The following SGCZ variants were observed in gnomAD, a reference collection of about 807,000 sequenced individuals.
SGCZ encodes sarcoglycan zeta, also known as zeta-sarcoglycan.
Under a neutral mutation model 41.3 loss-of-function variants are expected in SGCZ, and 40 were observed. The ratio of observed to expected loss-of-function variants is 0.97; its 90% CI spans 0.75 to 1.26. The LOEUF (loss-of-function observed/expected upper bound fraction) is 1.26, where lower values mean the gene tolerates loss of function less well. Ranked by LOEUF, SGCZ falls within the 50% of genes most tolerant of loss-of-function variation. The pLI is 0.00. For missense variants in SGCZ, 552 were observed against 369.8 expected, an observed-to-expected ratio of 1.49 and a Z score of -4.04; for synonymous variants, 206 against 137.5, an observed-to-expected ratio of 1.50 and a Z score of -3.49.
At chr8:14,256,690 A>T (rs1799477299) in intron 3 of SGCZ, among the ~76,000 whole-genome samples, 1 of 152,168 alleles carries the variant, frequency 6.6e-6, no homozygotes, top group Non-Finnish European at 1.5e-5. Context: ...TCCAATGAGC[A>T]TCTCTAAGTT....
intron 1 of SGCZ, among the ~76,000 whole-genome samples, chr8:14,847,644 A>T (rs1803178371): frequency 7.5e-6 from 1 of 133,144 alleles, no homozygotes; most frequent in Non-Finnish European, 1.6e-5. Flanking sequence ...GGAAGGAAGG[A>T]GGGAGGGAGG....
intron 2 of SGCZ, among the ~76,000 whole-genome samples, chr8:14,537,363 G>C (rs1803327931): frequency 6.6e-6 from 1 of 151,734 alleles, no homozygotes; most frequent in Non-Finnish European, 1.5e-5. Context: ...CTCAGTTTTG[G>C]GGCAACCTAT....
chr8:15,185,948 G>A (rs574683177), intron 1 of SGCZ, among the ~76,000 whole-genome samples: 22 of 149,812 alleles, frequency 1.5e-4, no homozygotes, highest in African/African-American at 5.2e-4. Flanking sequence ...CTCTCGGCTG[G>A]GCGCGGTGGC....
chr8:14,514,811 G>GTA (rs1563378962), intron 2 of SGCZ, among the ~76,000 whole-genome samples: 1 of 73,664 alleles, frequency 1.4e-5, no homozygotes, highest in African/African-American at 7.2e-5. Context: ...GTGTGTGTGT[G>GTA]TGTATATATA....
At chr8:14,274,507 A>C (rs2117271419) in intron 3 of SGCZ, among the ~76,000 whole-genome samples, 1 of 152,212 alleles carries the variant, frequency 6.6e-6, no homozygotes, top group Non-Finnish European at 1.5e-5. Context: ...AAGAATGAAA[A>C]CCTCTGTGTG....
At chr8:15,232,708 TA>T (rs1185605960) in intron 1 of SGCZ, among the ~76,000 whole-genome samples, 1 of 146,088 alleles carries the variant, frequency 6.8e-6, no homozygotes, top group African/African-American at 2.5e-5. Context: ...TATATATACA[TA>T]TATATGTGTG....
intron 1 of SGCZ, among the ~76,000 whole-genome samples, chr8:14,618,249 C>T (rs1455616926): frequency 6.6e-6 from 1 of 152,042 alleles, no homozygotes; most frequent in Non-Finnish European, 1.5e-5. Flanking sequence ...GTATGTTATA[C>T]AAGGTCTTTG....
At chr8:15,170,754 G>A (rs1799803790) in intron 1 of SGCZ, among the ~76,000 whole-genome samples, 2 of 152,102 alleles carry the variant, frequency 1.3e-5, no homozygotes, top group Admixed American at 1.3e-4. Flanking sequence ...AGTCTTACAA[G>A]GGATCCATAT....
chr8:14,102,076 T>TTATATATATATATATATATA (rs55667194), intron 7 of SGCZ, among the ~76,000 whole-genome samples: 8 of 119,916 alleles, frequency 6.7e-5, no homozygotes, highest in African/African-American at 2.4e-4. Context: ...TTGGCTAACT[T>TTATATATATATATATATATA]TATATATATA....
chr8:14,901,060 T>A (rs181835932), intron 1 of SGCZ, among the ~76,000 whole-genome samples: 71 of 152,302 alleles, frequency 4.7e-4, no homozygotes, highest in Admixed American at 7.2e-4. Context: ...TTGGAAAGAA[T>A]GCTTACTCAA....
intron 1 of SGCZ, among the ~76,000 whole-genome samples, chr8:14,678,130 G>T (rs1808333112): frequency 6.6e-6 from 1 of 152,062 alleles, no homozygotes; most frequent in African/African-American, 2.4e-5. Context: ...CTTTTGTTTG[G>T]CAATGTTGAC....
intron 1 of SGCZ, among the ~76,000 whole-genome samples, chr8:14,750,529 A>C (rs768437950): frequency 2.0e-5 from 3 of 152,128 alleles, no homozygotes; most frequent in Non-Finnish European, 4.4e-5. Context: ...TTATCATGGA[A>C]GATATCAGGC....
chr8:14,348,798 A>T (rs1802983448), intron 2 of SGCZ, among the ~76,000 whole-genome samples: 1 of 152,168 alleles, frequency 6.6e-6, no homozygotes, highest in Non-Finnish European at 1.5e-5. Context: ...CAAAAGGTTA[A>T]AGTACTGCTT....
intron 1 of SGCZ, among the ~76,000 whole-genome samples, chr8:14,804,432 G>A (rs1362910066): frequency 2.2e-5 from 3 of 138,794 alleles, no homozygotes; most frequent in South Asian, 2.6e-4. Flanking sequence ...CGTGAAGAAC[G>A]CAGAAGCCTC....
At chr8:14,940,442 C>A (rs1275555403) in intron 1 of SGCZ, among the ~76,000 whole-genome samples, 1 of 152,060 alleles carries the variant, frequency 6.6e-6, no homozygotes, top group East Asian at 1.9e-4. Flanking sequence ...ATTATATCAA[C>A]ATGCAGCAAA....
At chr8:14,428,133 C>CACATAT (rs1554517043) in intron 2 of SGCZ, among the ~76,000 whole-genome samples, 1 of 12,530 alleles carries the variant, frequency 8.0e-5, no homozygotes, top group East Asian at 1.8e-3. Flanking sequence ...CACACACACA[C>CACATAT]ATATATATAT....
chr8:14,274,104 T>C (rs1489293944), intron 3 of SGCZ, among the ~76,000 whole-genome samples: 1 of 152,180 alleles, frequency 6.6e-6, no homozygotes, highest in African/African-American at 2.4e-5. Flanking sequence ...TCACTTGTTT[T>C]CTTGAAGTTT....
At chr8:14,499,923 C>G (rs1041677678) in intron 2 of SGCZ, among the ~76,000 whole-genome samples, 3 of 151,876 alleles carry the variant, frequency 2.0e-5, no homozygotes, top group Non-Finnish European at 2.9e-5. Flanking sequence ...TTTCTAGATC[C>G]TCAAATTCTA....
At chr8:14,824,796 G>C (rs954368249) in intron 1 of SGCZ, among the ~76,000 whole-genome samples, 1 of 151,952 alleles carries the variant, frequency 6.6e-6, no homozygotes. Flanking sequence ...AATTTTCAGC[G>C]ATGTAGTATA....
Sources: gnomAD v4.1 joint callset for allele counts (sites outside exome capture counted in the v4.1 genomes callset) on GRCh38, gnomAD v4.1.1 for gene constraint, MANE v1.5 for transcripts, NCBI Gene and HGNC (gene_info 2026-07-23, HGNC 2026-07-21) for gene names.